The following CD99 variants were observed in gnomAD, a reference collection of about 807,000 sequenced individuals.
CD99 encodes CD99 molecule (Xg blood group), also known as CD99 antigen.
A neutral mutation model predicts 28.4 loss-of-function variants in CD99; 19 were observed. That is an observed-to-expected ratio of 0.67 (90% CI 0.47 to 0.98). The LOEUF (loss-of-function observed/expected upper bound fraction) is 0.98. Ranked by LOEUF, CD99 falls within the 50% of genes least tolerant of loss-of-function variation. CD99 has a pLI of 0.00. For synonymous variants in CD99, 103 were observed against 92.1 expected, an observed-to-expected ratio of 1.12 and a Z score of -0.67; for missense variants, 283 against 248.8, an observed-to-expected ratio of 1.14 and a Z score of -0.92.
chrX:2,716,628 G>A (rs1439345109), intron 2 of CD99, among the ~76,000 whole-genome samples: 1 of 152,202 alleles, frequency 6.6e-6, no homozygotes, highest in Non-Finnish European at 1.5e-5. Flanking sequence ...AAGTGCTGAG[G>A]CGTGAGAGGA....
At chrX:2,726,906 G>A (rs1479279845) in intron 8 of CD99, among the ~76,000 whole-genome samples, 5 of 152,096 alleles carry the variant, frequency 3.3e-5, no homozygotes, top group East Asian at 1.9e-4. Flanking sequence ...AGGCCGAGAC[G>A]GGCGGATCAC....
intron 1 of CD99, among the ~76,000 whole-genome samples, chrX:2,698,549 C>T (rs5982574): frequency 0.067 from 10,258 of 152,030 alleles, 1,156 homozygotes; most frequent in African/African-American, 0.23. Context: ...TCACTGCAGC[C>T]TCGAACCCCC....
chrX:2,716,505 T>G (rs2048727125), intron 2 of CD99, among the ~76,000 whole-genome samples: 1 of 152,006 alleles, frequency 6.6e-6, no homozygotes, highest in Non-Finnish European at 1.5e-5. Context: ...CCTGGTACAG[T>G]GAGCAACACG....
In CD99 at chrX:2,696,798, A is replaced by G. The variant is rs191098449; in HGVS notation, c.67+5371A>G. Among the ~76,000 whole-genome samples the G allele has an allele frequency of 3.4e-4, 52 of 152,164 alleles. No individual in the cohort carries two copies. The East Asian group carries it at 9.1e-3, about 27-fold the overall frequency. ...GACCAGAAGGACTTCCTCTTCTTGAATTTCCTGTTCAGTATTCTTTCTTGG... is the reference window on the plus strand; with the variant it reads ...GACCAGAAGGACTTCCTCTTCTTGAGTTTCCTGTTCAGTATTCTTTCTTGG... On this transcript the variant is annotated intron_variant, in intron 1 of 9. Transcript: ENST00000381192.
At position 2,714,554 on chromosome X, in the gene CD99, C is replaced by T. The variant is rs184507995; in HGVS notation, c.100+100C>T. ...CATTTCCAGCTAGGTTCTAGACCAC[C>T]GCAATAACAGGAGTCATAGCAATTT... On this transcript the variant is annotated intron_variant, in intron 2 of 9. Transcript: ENST00000381192. 158 of 1,018,800 alleles carry T rather than the reference C, an allele frequency of 1.6e-4. 2 individuals carry two copies. Among genetic ancestry groups the T allele is most frequent in the African/African-American group, 7.6e-4 (49 of 64,346 alleles). The allele number at this position is 1,018,800 out of a possible 1,614,324, so 63.1% of individuals were successfully genotyped here.
intron 1 of CD99, among the ~76,000 whole-genome samples, chrX:2,700,269 C>A (rs2047781183): frequency 1.3e-5 from 2 of 152,204 alleles, no homozygotes; most frequent in Non-Finnish European, 2.9e-5. Flanking sequence ...TCCCTTGAAT[C>A]CTGGTGGTGA....
chrX:2,715,226 C>A (rs1405528333), intron 2 of CD99: 1 of 152,166 alleles, frequency 6.6e-6, no homozygotes, highest in African/African-American at 2.4e-5. Flanking sequence ...GCTTCTGGGT[C>A]TTGTCATCCC....
chrX:2,723,402 CGTG>C, intron 7 of CD99, 38 bp downstream of exon 7: 2 of 1,609,918 alleles, frequency 1.2e-6, no homozygotes, highest in Non-Finnish European at 1.7e-6. Flanking sequence ...GTCTCTCCCA[CGTG>C]GTGTTGAGAA....
chrX:2,730,435 G>A (rs2049539782), intron 8 of CD99, among the ~76,000 whole-genome samples: 1 of 152,120 alleles, frequency 6.6e-6, no homozygotes, highest in Non-Finnish European at 1.5e-5. Context: ...GCCTCCCAAA[G>A]TGCTAGAATT....
At chrX:2,718,455 G>A (rs757379135) in intron 3 of CD99, among the ~76,000 whole-genome samples, 4 of 150,538 alleles carry the variant, frequency 2.7e-5, no homozygotes, top group South Asian at 2.1e-4. Flanking sequence ...TGCAAGCTCC[G>A]CTTCCTGGGT....
intron 2 of CD99, among the ~76,000 whole-genome samples, chrX:2,716,085 C>T (rs1290171802): frequency 6.7e-6 from 1 of 149,914 alleles, no homozygotes; most frequent in Non-Finnish European, 1.5e-5. Context: ...GTGGCACGAT[C>T]TCGGCTCACT....
intron 6 of CD99, among the ~76,000 whole-genome samples, 193 bp downstream of exon 6, chrX:2,722,867 T>A (rs1041327811): frequency 3.9e-5 from 6 of 152,100 alleles, no homozygotes; most frequent in Admixed American, 3.9e-4. Context: ...CCCGTAGAGG[T>A]TCGGTCCTCG....
rs752680439 is a variant in CD99 at position 2,716,514 on chromosome X, C to T, written c.101-1091C>T. Among the ~76,000 whole-genome samples the T allele has an allele frequency of 1.1e-4, 17 of 152,144 alleles. No homozygotes were observed. The South Asian group carries it at 3.5e-3, about 32-fold the overall frequency. On this transcript the variant is annotated intron_variant, in intron 2 of 9. Coordinates refer to ENST00000381192, the MANE Select transcript of CD99 (RefSeq NM_002414.5). ...ACCTCACCTGGTACAGTGAGCAACA[C>T]GGGGTCTCACTGTGTTGCTCAGATT...
chrX:2,708,520 G>A (rs1291887342), intron 1 of CD99, among the ~76,000 whole-genome samples: 14 of 152,150 alleles, frequency 9.2e-5, no homozygotes, highest in Non-Finnish European at 2.9e-5. Context: ...AATGCTTGGG[G>A]TTGTCTCTCC....
chrX:2,693,773 AGAG>A (rs893370865), intron 1 of CD99, among the ~76,000 whole-genome samples: 1 of 152,084 alleles, frequency 6.6e-6, no homozygotes, highest in African/African-American at 2.4e-5. Context: ...ATAGAGGAAA[AGAG>A]GAGGCTTCAG....
intron 1 of CD99, among the ~76,000 whole-genome samples, chrX:2,704,123 G>T (rs1603265084): frequency 6.6e-6 from 1 of 152,172 alleles, no homozygotes; most frequent in African/African-American, 2.4e-5. Context: ...CTCGCAGGGC[G>T]ATTCTGAGAA....
chrX:2,704,444 T>A (rs1017516465), intron 1 of CD99, among the ~76,000 whole-genome samples: 5 of 151,972 alleles, frequency 3.3e-5, no homozygotes, highest in Non-Finnish European at 7.4e-5. Context: ...TTTTCTTTCT[T>A]TTTTTTTGAG....
chrX:2,695,140 G>T (rs1238470116), intron 1 of CD99, among the ~76,000 whole-genome samples: 3 of 151,984 alleles, frequency 2.0e-5, no homozygotes, highest in Non-Finnish European at 4.4e-5. Context: ...AAAGAATTAC[G>T]TGTCCTTTGT....
At position 2,691,486 on chromosome X, in the gene CD99, A is replaced by T. The variant is rs368310708; in HGVS notation, c.67+59A>T. On this transcript the variant is annotated intron_variant, in intron 1 of 9. Transcript: ENST00000381192. The stretch of plus-strand genomic sequence containing the variant: ...CGGAGGGCGCGGGCCGGGACTGGGG[A>T]TCCGCTTGAGATGCGGCGTTGGGGG... The T allele has an allele frequency of 7.9e-6, 12 of 1,526,442 alleles. No homozygotes were observed. In the South Asian group the frequency reaches 8.3e-5, roughly 11 times the overall value. The allele number at this position is 1,526,442 out of a possible 1,614,324, so 94.6% of individuals were successfully genotyped here. A position where few individuals can be genotyped will look rare whatever the true frequency, so the allele number is the denominator to read the frequency against.
Sources: allele counts gnomAD v4.1 joint callset (sites outside exome capture counted in the v4.1 genomes callset), GRCh38; gene constraint gnomAD v4.1.1; transcripts MANE v1.5; gene names NCBI Gene and HGNC (gene_info 2026-07-23, HGNC 2026-07-21).